The following GLB1L3 variants were observed in gnomAD, a reference collection of about 807,000 sequenced individuals.
The protein encoded by GLB1L3 is galactosidase beta 1 like 3, also known as beta-galactosidase-1-like protein 3.
A neutral mutation model predicts 89.5 loss-of-function variants in GLB1L3; 89 were observed. The observed-to-expected ratio is 0.99, with a 90% CI of 0.84 to 1.19. GLB1L3 has a LOEUF of 1.19. Ranked by LOEUF, GLB1L3 falls within the 50% of genes most tolerant of loss-of-function variation. The pLI, the probability that GLB1L3 is intolerant of heterozygous loss-of-function variation, is 0.00. For synonymous variants in GLB1L3, 314 were observed against 312.3 expected (o/e 1.01, Z -0.06); for missense variants, 812 against 813.3 (o/e 1.00, Z 0.02).
At chr11:134,312,089 G>A (rs139717662) in intron 13 of GLB1L3, 11 of 400,626 alleles carry the variant, frequency 2.7e-5, no homozygotes, top group East Asian at 4.3e-5. Context: ...GAGCCCCTGC[G>A]CCCCATCCAT....
At chr11:134,324,050 T>C (rs1943195579), downstream of GLB1L3, among the ~76,000 whole-genome samples, 1 of 152,256 alleles carries the variant, frequency 6.6e-6, no homozygotes, top group South Asian at 2.1e-4. Flanking sequence ...TGTTCTTTCT[T>C]TGCCAATGAT....
At chr11:134,307,308 G>T (rs551100831) in intron 10 of GLB1L3, 100 bp downstream of exon 10, 2 of 873,214 alleles carry the variant, frequency 2.3e-6, no homozygotes, top group South Asian at 1.6e-5. Flanking sequence ...TTGATCAGCC[G>T]TAGATATTCA....
chr11:134,307,251 A>G (rs1465308065), intron 10 of GLB1L3, 43 bp downstream of exon 10: 3 of 1,382,462 alleles, frequency 2.2e-6, no homozygotes, highest in Non-Finnish European at 3.1e-6. Context: ...AGATGGCCCC[A>G]GGTCCCATGA....
Position 134,311,107 on chromosome 11 carries a change from G to GTA in GLB1L3, c.1226_1227dup (p.Pro410IlefsTer4), listed in dbSNP as rs750658534. 1 of 1,613,764 alleles carries GTA rather than the reference G, an allele frequency of 6.2e-7. No homozygotes were observed. Among genetic ancestry groups the GTA allele is most frequent in the Admixed American group, 1.7e-5 (1 of 60,000 alleles). On this transcript the variant is annotated frameshift_variant, in exon 13 of 20. Coordinates refer to ENST00000431683, the MANE Select transcript of GLB1L3 (RefSeq NM_001080407.3). LOFTEE classifies it high-confidence loss of function. ...TACCCAAACTTCCTCCCAAGGCTGT[G>GTA]TATCCCCCCGTGAGACCGTCGCTGT... is the stretch of plus-strand genomic sequence containing the variant.
intron 9 of GLB1L3, among the ~76,000 whole-genome samples, chr11:134,297,392 T>C (rs1343849847): frequency 2.0e-5 from 3 of 152,226 alleles, no homozygotes; most frequent in Admixed American, 6.5e-5. Flanking sequence ...GTTATTGATA[T>C]GGTTTGACTG....
chr11:134,308,506 C>CAAAT (rs1942494539), intron 10 of GLB1L3, among the ~76,000 whole-genome samples: 1 of 47,142 alleles, frequency 2.1e-5, no homozygotes, highest in African/African-American at 8.1e-5. Flanking sequence ...CAAATACCAC[C>CAAAT]ACCACCACCA....
intron 6 of GLB1L3, among the ~76,000 whole-genome samples, chr11:134,286,879 G>C (rs1318208498): frequency 1.3e-5 from 2 of 151,858 alleles, no homozygotes; most frequent in East Asian, 3.9e-4. Flanking sequence ...TTAATGTCCA[G>C]GCTGGGAGCT....
In GLB1L3 at chr11:134,283,856, A is replaced by T; in HGVS notation, c.636+11A>T. The T allele has an allele frequency of 6.7e-7, 1 of 1,492,522 alleles. No individual in the cohort carries two copies. Among genetic ancestry groups the T allele is most frequent in the Non-Finnish European group, 9.3e-7 (1 of 1,071,332 alleles). 92.5% of individuals were successfully genotyped at this position (1,492,522 alleles called of 1,614,324 possible). ...GTGATTCCTCTCCAGGTAAAGCCAAATTGTCCCCTGCATCTTTCTTACGTG... is the reference window on the plus strand; with the variant it reads ...GTGATTCCTCTCCAGGTAAAGCCAATTTGTCCCCTGCATCTTTCTTACGTG... On this transcript the variant is annotated intron_variant, in intron 6 of 19. Coordinates refer to ENST00000431683, the MANE Select transcript of GLB1L3 (RefSeq NM_001080407.3).
chr11:134,308,030 T>C (rs1942280054), intron 10 of GLB1L3, among the ~76,000 whole-genome samples: 1 of 151,368 alleles, frequency 6.6e-6, no homozygotes, highest in Admixed American at 6.6e-5. Flanking sequence ...AGAAAAAAAG[T>C]CAAAAGAAAA....
chr11:134,286,810 C>T (rs1941023752), intron 6 of GLB1L3, among the ~76,000 whole-genome samples: 1 of 138,176 alleles, frequency 7.2e-6, no homozygotes, highest in Admixed American at 7.0e-5. Context: ...AAGAAATAGA[C>T]ATGCATTAAA....
chr11:134,283,628 G>C (rs1025284987), intron 5 of GLB1L3, 109 bp from the exon 6 acceptor site: 8 of 623,990 alleles, frequency 1.3e-5, no homozygotes, highest in African/African-American at 5.5e-5. Context: ...GGGACCGGGG[G>C]TGTGAGGCAG....
rs149051960 is a variant in GLB1L3, at chr11:134,309,726, A to T, written c.1062A>T (p.Thr354=). 3.1e-6 allele frequency: 5 copies of T among 1,613,596 alleles called. No individual in the cohort carries two copies. The highest frequency in any genetic ancestry group is 4.2e-6 in the Non-Finnish European group (5 of 1,179,774). ...GTNFGFMNGA[T]YFGKHSGIVT... ...ACTTTGGTTTCATGAACGGGGCCAC[A>T]TATTTCGGGAAGCACTCGGGCATTG... Residue 354 remains threonine, a synonymous_variant, in exon 11 of 20, where the codon ACA becomes ACT. Coordinates refer to ENST00000431683, the MANE Select transcript of GLB1L3 (RefSeq NM_001080407.3).
At chr11:134,302,068 C>T (rs979609545) in intron 9 of GLB1L3, among the ~76,000 whole-genome samples, 1 of 152,180 alleles carries the variant, frequency 6.6e-6, no homozygotes, top group African/African-American at 2.4e-5. Context: ...CTGCTGGCAG[C>T]ACCTTCCACC....
chr11:134,310,321 C>T (rs1942660819), intron 11 of GLB1L3: 1 of 524,710 alleles, frequency 1.9e-6, no homozygotes, highest in Admixed American at 3.2e-5. Context: ...GTGGGTTGAA[C>T]AAGTTTGCAT....
At chr11:134,313,304 GTC>G in intron 15 of GLB1L3, 90 bp from the exon 16 acceptor site, 1 of 900,952 alleles carries the variant, frequency 1.1e-6, no homozygotes, top group Non-Finnish European at 1.8e-6. Context: ...TCTCCCATGT[GTC>G]TCTCCATGTG....
chr11:134,281,101 G>A (rs1415266536), intron 3 of GLB1L3, among the ~76,000 whole-genome samples: 1 of 152,164 alleles, frequency 6.6e-6, no homozygotes, highest in Non-Finnish European at 1.5e-5. Context: ...TTTAATGAGT[G>A]TTACAATAGG....
At chr11:134,279,659 C>T (rs1025584137) in intron 3 of GLB1L3, among the ~76,000 whole-genome samples, 5 of 152,184 alleles carry the variant, frequency 3.3e-5, no homozygotes, top group African/African-American at 4.8e-5. Context: ...AGCCACCTCG[C>T]CCAGCCTTCT....
chr11:134,314,771 TTGCC>T (rs1241291927), intron 18 of GLB1L3, among the ~76,000 whole-genome samples: 1 of 152,196 alleles, frequency 6.6e-6, no homozygotes, highest in Admixed American at 6.5e-5. Context: ...ATATATAACT[TTGCC>T]TGAACACACA....
At chr11:134,312,214 A>G (rs749843095) in intron 13 of GLB1L3, 135 bp from the exon 14 acceptor site, 11 of 955,212 alleles carry the variant, frequency 1.2e-5, no homozygotes, top group African/African-American at 3.3e-5. Flanking sequence ...GCAGTGTCAC[A>G]TGGCATCTGT....
Sources: gnomAD v4.1 joint callset for allele counts (sites outside exome capture counted in the v4.1 genomes callset) on GRCh38, gnomAD v4.1.1 for gene constraint, MANE v1.5 for transcripts, NCBI Gene and HGNC (gene_info 2026-07-23, HGNC 2026-07-21) for gene names.